LIPK: variants seen among roughly 807,000 people sequenced by gnomAD.
The protein encoded by LIPK is lipase member K.
LIPK carries 32 observed loss-of-function variants against 48.6 expected under a neutral mutation model. The observed-to-expected ratio is 0.66, with a 90% CI of 0.50 to 0.88. LIPK has a LOEUF of 0.88. LIPK is among the 40% of genes least tolerant of loss of function. LIPK has a pLI of 0.00. For synonymous variants in LIPK, 164 were observed against 157.4 expected (o/e 1.04, Z -0.32); for missense variants, 507 against 478.5 (o/e 1.06, Z -0.56).
intron 1 of LIPK, among the ~76,000 whole-genome samples, chr10:88,711,066 T>C (rs918545798): frequency 6.6e-6 from 1 of 152,174 alleles, no homozygotes; most frequent in African/African-American, 2.4e-5. Flanking sequence ...GTTGAACATC[T>C]TTTCTTGTGT....
At chr10:88,749,638 A>G (rs1442113121) in intron 9 of LIPK, among the ~76,000 whole-genome samples, 1 of 117,748 alleles carries the variant, frequency 8.5e-6, no homozygotes, top group Non-Finnish European at 1.8e-5. Context: ...ACTTAAATGT[A>G]TAACCTACAA....
At chr10:88,741,126 C>T (rs1842673117) in intron 8 of LIPK, among the ~76,000 whole-genome samples, 1 of 152,154 alleles carries the variant, frequency 6.6e-6, no homozygotes, top group Non-Finnish European at 1.5e-5. Flanking sequence ...TTTATTCAGT[C>T]TCACTGAATT....
chr10:88,727,931 T>C (rs1590142720), intron 3 of LIPK: 1 of 369,216 alleles, frequency 2.7e-6, no homozygotes, highest in Non-Finnish European at 5.3e-6. Flanking sequence ...TGGGAGAACG[T>C]GGACAACATG....
intron 1 of LIPK, among the ~76,000 whole-genome samples, chr10:88,717,908 C>T (rs753719715): frequency 6.6e-6 from 1 of 151,598 alleles, no homozygotes; most frequent in East Asian, 1.9e-4. Context: ...TTATTTCTTC[C>T]CCACTCTCTT....
At chr10:88,735,862 G>A (rs76148175) in intron 6 of LIPK, among the ~76,000 whole-genome samples, 1,907 of 152,266 alleles carry the variant, frequency 0.013, 19 homozygotes, top group Admixed American at 0.026. Flanking sequence ...TTAGCTTAGG[G>A]TAAAGGAGAA....
At chr10:88,715,679 CT>C (rs1334225563) in intron 1 of LIPK, among the ~76,000 whole-genome samples, 8 of 151,812 alleles carry the variant, frequency 5.3e-5, no homozygotes, top group African/African-American at 1.9e-4. Flanking sequence ...CCATTCTGAT[CT>C]TTCACTATTT....
intron 1 of LIPK, among the ~76,000 whole-genome samples, chr10:88,722,901 T>TTTTTTTTTTTTCCGG (rs1842258891): frequency 6.8e-6 from 1 of 146,808 alleles, no homozygotes; most frequent in African/African-American, 2.5e-5. Context: ...TTTTTTTTTT[T>TTTTTTTTTTTTCCGG]GACAGGGTTT....
chr10:88,706,478 T>C (rs1007968893), intron 1 of LIPK, among the ~76,000 whole-genome samples, 158 bp downstream of exon 1: 2 of 152,186 alleles, frequency 1.3e-5, no homozygotes, highest in African/African-American at 4.8e-5. Flanking sequence ...TGTGACAACT[T>C]CAGATGGAGA....
At chr10:88,722,889 C>CTTTTTTTTTTTTTTTTTTTTTTTTTT (rs398014386) in intron 1 of LIPK, among the ~76,000 whole-genome samples, 23 of 113,166 alleles carry the variant, frequency 2.0e-4, no homozygotes, top group East Asian at 1.1e-3. Context: ...TTTCTTTTTT[C>CTTTTTTTTTTTTTTTTTTTTTTTTTT]TTTTTTTTTT....
chr10:88,728,691 A>G, intron 3 of LIPK: 2 of 437,060 alleles, frequency 4.6e-6, no homozygotes, highest in South Asian at 3.6e-5. Flanking sequence ...GACGCAGAGC[A>G]GGTGTATGCA....
chr10:88,752,667 A>ATGTGTGG lies in LIPK; in HGVS notation c.1111_1112insTGTGTGG (p.Asn371MetfsTer39). ...TTATTACAAGCTGATTCCACACTAC[A>ATGTGTGG]ATCATGTGGATTTTTACCTTGGAGA... On this transcript the variant is annotated frameshift_variant, in exon 10 of 10. Transcript: ENST00000404190. LOFTEE classifies it high-confidence loss of function. 1 of 1,576,894 alleles carries ATGTGTGG rather than the reference A, an allele frequency of 6.3e-7. No individual in the cohort carries two copies. Among genetic ancestry groups the ATGTGTGG allele is most frequent in the Non-Finnish European group, 8.6e-7 (1 of 1,159,024 alleles).
chr10:88,745,020 G>A (rs1021619679), intron 9 of LIPK, among the ~76,000 whole-genome samples: 3 of 152,080 alleles, frequency 2.0e-5, no homozygotes, highest in African/African-American at 4.8e-5. Context: ...ACCAAGCTTA[G>A]GAAAAAATCT....
At chr10:88,718,974 G>T (rs1842170734) in intron 1 of LIPK, among the ~76,000 whole-genome samples, 1 of 152,094 alleles carries the variant, frequency 6.6e-6, no homozygotes, top group South Asian at 2.1e-4. Flanking sequence ...GCCATATTCA[G>T]TATGAGCAAA....
chr10:88,723,861 G>A (rs535374480), intron 1 of LIPK, among the ~76,000 whole-genome samples: 1 of 151,868 alleles, frequency 6.6e-6, no homozygotes, highest in South Asian at 2.1e-4. Context: ...GTATTATGTA[G>A]TAGGAATTTT....
chr10:88,750,205 G>A (rs370426777), intron 9 of LIPK, among the ~76,000 whole-genome samples: 1 of 152,204 alleles, frequency 6.6e-6, no homozygotes, highest in East Asian at 1.9e-4. Context: ...ACCACTGGTG[G>A]GAATGTAAAT....
At chr10:88,745,250 G>A (rs1026512992) in intron 9 of LIPK, among the ~76,000 whole-genome samples, 18 of 152,010 alleles carry the variant, frequency 1.2e-4, no homozygotes, top group South Asian at 6.2e-4. Flanking sequence ...TCACTAGAGC[G>A]GTCAACATTT....
At chr10:88,713,948 T>A (rs1156423707) in intron 1 of LIPK, among the ~76,000 whole-genome samples, 1 of 151,756 alleles carries the variant, frequency 6.6e-6, no homozygotes, top group East Asian at 1.9e-4. Context: ...AGACTCTGTC[T>A]CAAAAAAATA....
chr10:88,709,799 C>A (rs372187793), intron 1 of LIPK, among the ~76,000 whole-genome samples: 7 of 152,154 alleles, frequency 4.6e-5, no homozygotes, highest in South Asian at 2.1e-4. Flanking sequence ...CAGCCTAGAA[C>A]AATTCACATC....
At position 88,737,799 on chromosome 10, in the gene LIPK, G is replaced by C. The variant is rs1842604909; in HGVS notation, c.816+18G>C. Reference sequence around the variant, plus strand: ...TAAATATGGTAGGTGTAAGTAATTGGGTCTGGGAAAACATTTGTTTTGTTG... The same window carrying C: ...TAAATATGGTAGGTGTAAGTAATTGCGTCTGGGAAAACATTTGTTTTGTTG... On this transcript the variant is annotated intron_variant, in intron 7 of 9. Transcript: ENST00000404190. The C allele has an allele frequency of 6.2e-7, 1 of 1,611,682 alleles. No individual in the cohort carries two copies. The highest frequency in any genetic ancestry group is 8.5e-7 in the Non-Finnish European group (1 of 1,178,434).
Sources: allele counts gnomAD v4.1 joint callset (sites outside exome capture counted in the v4.1 genomes callset), GRCh38; gene constraint gnomAD v4.1.1; transcripts MANE v1.5; gene names NCBI Gene and HGNC (gene_info 2026-07-23, HGNC 2026-07-21).